The following CMC4 variants were observed in gnomAD, a reference collection of about 807,000 sequenced individuals.
The protein encoded by CMC4 is C-X9-C motif containing 4.
In CMC4, 4 loss-of-function variants were observed where a neutral mutation model predicts 5.1. That is an observed-to-expected ratio of 0.78 (90% confidence interval 0.38 to 1.78). CMC4 has a LOEUF of 1.78. Ranked by LOEUF, CMC4 falls within the 40% of genes most tolerant of loss-of-function variation. CMC4 has a pLI of 0.04. For missense variants in CMC4, 52 were observed against 51.3 expected, an observed-to-expected ratio of 1.01 and a Z score of -0.04; for synonymous variants, 23 against 18.9, an observed-to-expected ratio of 1.22 and a Z score of -0.57.
rs1557291615 is a variant in CMC4, at chrX:155,061,710, T to C, written c.*133A>G. 3.0e-6 allele frequency: 2 copies of C among 667,319 alleles called. No individual in the cohort carries two copies. Among genetic ancestry groups the C allele is most frequent in the Admixed American group, 3.4e-5 (1 of 29,729 alleles). The allele number at this position is 667,319 out of a possible 1,213,427, so 55.0% of individuals were successfully genotyped here. A position where few individuals can be genotyped will look rare whatever the true frequency, so the allele number is the denominator to read the frequency against. ...AATGTGTTTATATTTCTGCCTGTTC[T>C]GCATAGATGGCATATTCATTAACTT... On this transcript the variant is annotated 3_prime_UTR_variant, in exon 3 of 3. Transcript: ENST00000369484.
intron 2 of CMC4, 114 bp downstream of exon 2, chrX:155,063,852 A>G: frequency 1.8e-6 from 1 of 566,840 alleles, no homozygotes; most frequent in East Asian, 3.8e-5. Context: ...CTTCAGGATA[A>G]TTACATATAC....
intron 1 of CMC4, chrX:155,064,986 CAAAT>C (rs1204686096): frequency 8.5e-6 from 1 of 117,395 alleles, no homozygotes; most frequent in East Asian, 2.7e-4. Flanking sequence ...AAATAAGCGA[CAAAT>C]AGATGTTGAT....
chrX:155,065,280 G>A, intron 1 of CMC4: 1 of 435,898 alleles, frequency 2.3e-6, no homozygotes, highest in Non-Finnish European at 4.0e-6. Context: ...TGTTTCTTGA[G>A]CAGTTTTTCA....
intron 1 of CMC4, 145 bp from the exon 2 acceptor site, chrX:155,064,178 T>C: frequency 2.7e-6 from 1 of 363,654 alleles, no homozygotes; most frequent in Non-Finnish European, 4.8e-6. Flanking sequence ...TTCCCAAACA[T>C]AGGATGAATC....
At chrX:155,068,999 T>TCC (rs1557292213) in intron 1 of CMC4, among the ~76,000 whole-genome samples, 1 of 112,314 alleles carries the variant, frequency 8.9e-6, no homozygotes, top group African/African-American at 3.2e-5. Flanking sequence ...GAAGAGATTG[T>TCC]CCCCATGAGG....
chrX:155,066,050 A>G (rs1557291998), intron 1 of CMC4: 1 of 1,098,260 alleles, frequency 9.1e-7, no homozygotes, highest in Non-Finnish European at 1.3e-6. Flanking sequence ...GCTTTTCTCC[A>G]CCTAAGCCTG....
At chrX:155,066,094 T>C in intron 1 of CMC4, 1 of 794,511 alleles carries the variant, frequency 1.3e-6, no homozygotes, top group Non-Finnish European at 1.9e-6. Flanking sequence ...GTGTGACTTT[T>C]TGGGTTTGAA....
intron 1 of CMC4, 39 bp from the exon 2 acceptor site, chrX:155,064,072 A>C: frequency 1.8e-6 from 2 of 1,104,043 alleles, no homozygotes; most frequent in Non-Finnish European, 2.4e-6. Context: ...TCTTTTTTCC[A>C]TAAAGACTTT....
At chrX:155,063,387 G>GCTTTTTCTATTTGCT (rs2073935826) in intron 2 of CMC4, among the ~76,000 whole-genome samples, 1 of 112,168 alleles carries the variant, frequency 8.9e-6, no homozygotes, top group Non-Finnish European at 1.9e-5. Flanking sequence ...TAGCCTTATA[G>GCTTTTTCTATTTGCT]CTTTTTCTAT....
chrX:155,069,469 T>C (rs1360299967), intron 1 of CMC4, among the ~76,000 whole-genome samples: 1 of 112,361 alleles, frequency 8.9e-6, no homozygotes, highest in African/African-American at 3.2e-5. Context: ...TAGCATTTCC[T>C]ATATGTTTAC....
In CMC4 at chrX:155,061,973, G is replaced by A; in HGVS notation, c.77C>T (p.Ser26Leu). The A allele has an allele frequency of 8.3e-7, 1 of 1,210,545 alleles. No homozygotes were observed. Among genetic ancestry groups the A allele is most frequent in the Non-Finnish European group, 1.1e-6 (1 of 894,921 alleles). The change falls in exon 3 of 3, where the codon TCA (serine) becomes TTA (leucine). Residue 26 changes from serine to leucine, a missense_variant. Ser to Leu is a moderately radical substitution (Grantham distance 145). Transcript: ENST00000369484. ...KCLQANSYME[S>L]KCQAVIQELR... Reference sequence around the variant, plus strand: ...TTCTTGGATGACAGCCTGACACTTTGATTCCATGTAGCTGTTGGCTGAAAA... The same window carrying A: ...TTCTTGGATGACAGCCTGACACTTTAATTCCATGTAGCTGTTGGCTGAAAA...
intron 1 of CMC4, among the ~76,000 whole-genome samples, chrX:155,068,204 G>T (rs1385873472): frequency 8.9e-6 from 1 of 112,140 alleles, no homozygotes; most frequent in African/African-American, 3.2e-5. Context: ...TGTTTTGAAT[G>T]GAAAACAAAA....
chrX:155,068,251 C>T (rs2073956388), intron 1 of CMC4, among the ~76,000 whole-genome samples: 1 of 111,937 alleles, frequency 8.9e-6, no homozygotes, highest in African/African-American at 3.3e-5. Flanking sequence ...GGAAATAATG[C>T]CAGTGGAATA....
intron 1 of CMC4, chrX:155,064,329 G>A (rs1602748805): frequency 5.7e-6 from 1 of 174,655 alleles, no homozygotes; most frequent in East Asian, 1.1e-4. Flanking sequence ...GCGCAGCCTG[G>A]CTCTATCATT....
intron 1 of CMC4, chrX:155,065,315 A>G: frequency 2.1e-6 from 1 of 473,816 alleles, no homozygotes; most frequent in East Asian, 3.7e-5. Flanking sequence ...CCCAGGCCCA[A>G]GGGTGGGTGC....
intron 1 of CMC4, chrX:155,065,418 A>C: frequency 2.0e-6 from 2 of 1,024,083 alleles, no homozygotes; most frequent in Non-Finnish European, 2.7e-6. Context: ...AAAAATCATT[A>C]AAATCACCAC....
At chrX:155,062,515 T>C (rs914402575) in intron 2 of CMC4, among the ~76,000 whole-genome samples, 3 of 112,011 alleles carry the variant, frequency 2.7e-5, no homozygotes, top group Non-Finnish European at 5.6e-5. Context: ...ACAAAGGCCT[T>C]TGGCCTCCAA....
intron 2 of CMC4, 142 bp from the exon 3 acceptor site, chrX:155,062,133 C>A: frequency 1.8e-6 from 1 of 570,093 alleles, no homozygotes; most frequent in South Asian, 7.3e-5. Context: ...CCACTGAATT[C>A]TTTCTAATTT....
chrX:155,064,035 TAAA>T lies in CMC4; in HGVS notation c.-10-5_-10-3del. ...TCCTTCTGCGGCATATCCAGAAAACTAAAACAAGAAAAATGATTTTTATTTTTC... is the reference window on the plus strand; with the variant it reads ...TCCTTCTGCGGCATATCCAGAAAACTACAAGAAAAATGATTTTTATTTTTC... On this transcript the variant is annotated splice_polypyrimidine_tract_variant and splice_region_variant and intron_variant, in intron 1 of 2. Transcript: ENST00000369484. 8.5e-7 allele frequency: 1 copy of T among 1,178,452 alleles called. No individual in the cohort carries two copies. Among genetic ancestry groups the T allele is most frequent in the Non-Finnish European group, 1.1e-6 (1 of 882,687 alleles).
Sources: gnomAD v4.1 joint callset for allele counts (sites outside exome capture counted in the v4.1 genomes callset) on GRCh38, gnomAD v4.1.1 for gene constraint, MANE v1.5 for transcripts, NCBI Gene and HGNC (gene_info 2026-07-23, HGNC 2026-07-21) for gene names.